SH3GL2: variants seen among roughly 807,000 people sequenced by gnomAD.
SH3GL2 encodes the protein endophilin-A1.
In SH3GL2, 24 loss-of-function variants were observed where a neutral mutation model predicts 46.0. That is an observed-to-expected ratio of 0.52 (90% CI 0.38 to 0.73). SH3GL2 has a LOEUF of 0.73. Among genes scored for constraint, SH3GL2 ranks in the 30% least tolerant of loss-of-function variants. The probability of loss-of-function intolerance (pLI) is 0.00; values close to 1 mark genes in which losing one functional copy is unlikely to be tolerated. For synonymous variants in SH3GL2, 196 were observed against 147.1 expected (o/e 1.33, Z -2.40); for missense variants, 413 against 424.2 (o/e 0.97, Z 0.23).
intron 1 of SH3GL2, among the ~76,000 whole-genome samples, chr9:17,695,959 A>G (rs925510786): frequency 6.6e-6 from 1 of 152,130 alleles, no homozygotes; most frequent in African/African-American, 2.4e-5. Flanking sequence ...ACATGATGGG[A>G]GAAAAACAGC....
chr9:17,790,644 G>T (rs780807755), intron 6 of SH3GL2, among the ~76,000 whole-genome samples: 2 of 152,074 alleles, frequency 1.3e-5, no homozygotes, highest in Non-Finnish European at 2.9e-5. Flanking sequence ...TACCCAGCTG[G>T]ATCATAATGT....
intron 4 of SH3GL2, 89 bp from the exon 5 acceptor site, chr9:17,787,269 TCTTTAGAAGACAAGTGGTAATC>T: frequency 1.2e-6 from 1 of 818,604 alleles, no homozygotes; most frequent in Non-Finnish European, 2.0e-6. Flanking sequence ...TTGTCTGTTG[TCTTTAGAAGACAAGTGGTAATC>T]CTTTGGGTTT....
At chr9:17,730,005 A>G (rs979703232) in intron 1 of SH3GL2, among the ~76,000 whole-genome samples, 6 of 152,096 alleles carry the variant, frequency 3.9e-5, no homozygotes, top group African/African-American at 9.7e-5. Context: ...AAGAAAGTCA[A>G]TGGCAGCTTG....
intron 1 of SH3GL2, among the ~76,000 whole-genome samples, chr9:17,711,037 A>G (rs1381089818): frequency 6.6e-6 from 1 of 151,900 alleles, no homozygotes; most frequent in Non-Finnish European, 1.5e-5. Context: ...AACTGAAACC[A>G]TGGAAAGTGA....
intron 1 of SH3GL2, among the ~76,000 whole-genome samples, chr9:17,720,351 A>G (rs183760836): frequency 2.6e-5 from 4 of 152,150 alleles, no homozygotes; most frequent in Non-Finnish European, 5.9e-5. Flanking sequence ...TGAGCAAAGA[A>G]TGATTCGCAA....
intron 1 of SH3GL2, among the ~76,000 whole-genome samples, chr9:17,646,761 G>A (rs1259406342): frequency 6.6e-6 from 1 of 152,168 alleles, no homozygotes; most frequent in African/African-American, 2.4e-5. Flanking sequence ...ATCCCACAGG[G>A]GCAACTGCCA....
At chr9:17,672,364 CT>C (rs1820495954) in intron 1 of SH3GL2, among the ~76,000 whole-genome samples, 2 of 152,064 alleles carry the variant, frequency 1.3e-5, no homozygotes, top group South Asian at 2.1e-4. Context: ...GGAGCAGAGA[CT>C]AAAAGAACCA....
chr9:17,686,616 A>T (rs1478295580), intron 1 of SH3GL2, among the ~76,000 whole-genome samples: 7 of 140,504 alleles, frequency 5.0e-5, no homozygotes, highest in African/African-American at 1.9e-4. Flanking sequence ...GCCATAAAAA[A>T]TGATGAGTTC....
Position 17,579,272 on chromosome 9 carries a change from C to A in SH3GL2, c.30C>A (p.Phe10Leu), listed in dbSNP as rs575767112. The change falls in exon 1 of 9, where the codon TTC (phenylalanine) becomes TTA (leucine). Residue 10 changes from phenylalanine to leucine, a missense_variant. Phe to Leu is a conservative substitution (Grantham distance 22). Transcript: ENST00000380607. MSVAGLKKQFHKATQKVSEK... is the reference protein window; with the variant it reads MSVAGLKKQLHKATQKVSEK... ...CGGTGGCCGGCCTCAAGAAGCAGTT[C>A]CATAAAGCCACTCAGGTAAGGCGCG... is the stretch of plus-strand genomic sequence containing the variant. 2.6e-6 allele frequency: 4 copies of A among 1,566,728 alleles called. No homozygotes were observed. The highest frequency in any genetic ancestry group is 1.7e-6 in the Non-Finnish European group (2 of 1,157,652).
At chr9:17,773,903 T>C (rs770834661) in intron 3 of SH3GL2, among the ~76,000 whole-genome samples, 17 of 152,176 alleles carry the variant, frequency 1.1e-4, no homozygotes, top group Non-Finnish European at 2.1e-4. Context: ...GACATCTTAA[T>C]AATATTAAGT....
intron 1 of SH3GL2, among the ~76,000 whole-genome samples, chr9:17,609,173 G>T (rs1028108379): frequency 7.9e-5 from 12 of 152,108 alleles, no homozygotes; most frequent in African/African-American, 2.9e-4. Context: ...AGTTTTTTAT[G>T]GCATCCTCAT....
At chr9:17,778,516 C>T (rs1476509846) in intron 3 of SH3GL2, among the ~76,000 whole-genome samples, 1 of 152,052 alleles carries the variant, frequency 6.6e-6, no homozygotes, top group Non-Finnish European at 1.5e-5. Context: ...CAGATAGGAC[C>T]TTGTCACCAT....
Position 17,793,466 on chromosome 9 carries a change from T to A in SH3GL2, c.828T>A (p.Gly276=). ...PTGDSTQPNG[G]LSHTGTPKPS... is the part of the protein sequence containing the mutation. Reference sequence around the variant, plus strand: ...GAGACAGTACTCAGCCCAATGGGGGTCTCTCCCACACAGGCACTCCCAAAC... The same window carrying A: ...GAGACAGTACTCAGCCCAATGGGGGACTCTCCCACACAGGCACTCCCAAAC... Residue 276 remains glycine, a synonymous_variant, in exon 8 of 9, where the codon GGT becomes GGA. Transcript: ENST00000380607. 6.2e-7 allele frequency: 1 copy of A among 1,612,280 alleles called. No homozygotes were observed.
At chr9:17,641,614 CAGTGTGTG>C (rs1819684718) in intron 1 of SH3GL2, among the ~76,000 whole-genome samples, 1 of 152,064 alleles carries the variant, frequency 6.6e-6, no homozygotes, top group Non-Finnish European at 1.5e-5. Flanking sequence ...TGACAGGCCC[CAGTGTGTG>C]ATGTTCCCCT....
At chr9:17,787,584 A>G in intron 5 of SH3GL2, 71 bp downstream of exon 5, 1 of 1,341,468 alleles carries the variant, frequency 7.5e-7, no homozygotes, top group East Asian at 2.3e-5. Context: ...TTTTCTTTAG[A>G]AAACATTTTT....
At chr9:17,688,487 A>G (rs533471470) in intron 1 of SH3GL2, among the ~76,000 whole-genome samples, 66 of 152,116 alleles carry the variant, frequency 4.3e-4, no homozygotes, top group Admixed American at 1.7e-3. Context: ...GAAAAAAATA[A>G]CAGAGATCGT....
intron 1 of SH3GL2, among the ~76,000 whole-genome samples, chr9:17,715,982 C>T (rs761304828): frequency 6.6e-6 from 1 of 152,000 alleles, no homozygotes; most frequent in Non-Finnish European, 1.5e-5. Flanking sequence ...ATTATTTGTA[C>T]TGAATGTGTA....
chr9:17,687,218 T>A (rs76752220), intron 1 of SH3GL2, among the ~76,000 whole-genome samples: 10,247 of 151,392 alleles, frequency 0.068, 558 homozygotes, highest in Admixed American at 0.18. Flanking sequence ...AAATTTTGAG[T>A]TTTTTTCAAT....
intron 1 of SH3GL2, among the ~76,000 whole-genome samples, chr9:17,690,030 C>T (rs1201964579): frequency 6.6e-6 from 1 of 152,198 alleles, no homozygotes; most frequent in East Asian, 1.9e-4. Flanking sequence ...TTAGTTTCCT[C>T]TGAATGCTTA....
Sources: allele counts gnomAD v4.1 joint callset (sites outside exome capture counted in the v4.1 genomes callset), GRCh38; gene constraint gnomAD v4.1.1; transcripts MANE v1.5; gene names NCBI Gene and HGNC (gene_info 2026-07-23, HGNC 2026-07-21).